Variants in NELL1 observed in about 807,000 individuals in gnomAD.
NELL1 encodes the protein neural EGFL like 1.
NELL1 carries 76 observed loss-of-function variants against 107.4 expected under a neutral mutation model. The observed-to-expected ratio is 0.71, with a 90% CI of 0.59 to 0.86. The LOEUF (loss-of-function observed/expected upper bound fraction) is 0.86, where lower values mean the gene tolerates loss of function less well. NELL1 is among the 40% of genes least tolerant of loss of function. NELL1 has a pLI of 0.00. For synonymous variants in NELL1, 353 were observed against 341.2 expected (o/e 1.03, Z -0.38); for missense variants, 1,024 against 1,005.5 (o/e 1.02, Z -0.25).
intron 3 of NELL1, among the ~76,000 whole-genome samples, chr11:20,814,957 A>G (rs1027418362): frequency 6.6e-6 from 1 of 152,052 alleles, no homozygotes; most frequent in Non-Finnish European, 1.5e-5. Flanking sequence ...TTTCTCTACA[A>G]CCTTGCCAGC....
intron 14 of NELL1, among the ~76,000 whole-genome samples, chr11:21,357,153 C>T (rs1228368653): frequency 6.6e-6 from 1 of 152,108 alleles, no homozygotes. Flanking sequence ...ACTTCTTTTC[C>T]TCCGGGTAGA....
intron 14 of NELL1, among the ~76,000 whole-genome samples, chr11:21,346,050 T>C (rs1311830980): frequency 6.6e-6 from 1 of 152,196 alleles, no homozygotes; most frequent in Non-Finnish European, 1.5e-5. Context: ...GTTGCAAACC[T>C]AAGTCAAACT....
chr11:21,420,616 G>T (rs1852641135), intron 15 of NELL1, among the ~76,000 whole-genome samples: 1 of 152,144 alleles, frequency 6.6e-6, no homozygotes, highest in Non-Finnish European at 1.5e-5. Context: ...AAGACGGCAT[G>T]AAAATTTCTC....
rs768545343 is a variant in NELL1 at position 21,496,669 on chromosome 11, A to G, written c.1646-37705A>G. On this transcript the variant is annotated intron_variant, in intron 15 of 19. Transcript: ENST00000357134. ...CGTGATCCACTTGCCTCACCCTCCCAAAGTGCTGGGTTACAGGCGTGAGCC... is the reference window on the plus strand; with the variant it reads ...CGTGATCCACTTGCCTCACCCTCCCGAAGTGCTGGGTTACAGGCGTGAGCC... Among the ~76,000 whole-genome samples the G allele has an allele frequency of 2.7e-4, 41 of 152,152 alleles. No homozygotes were observed. In the Middle Eastern group the frequency reaches 0.01, roughly 38 times the overall value.
chr11:20,761,952 G>T (rs1856430100), intron 2 of NELL1, among the ~76,000 whole-genome samples: 1 of 152,186 alleles, frequency 6.6e-6, no homozygotes, highest in Admixed American at 6.5e-5. Context: ...GGTAGCCTTT[G>T]CTAAGAAAAG....
Position 21,417,011 on chromosome 11 carries a change from G to A in NELL1, c.1645+46063G>A, listed in dbSNP as rs959342504. On this transcript the variant is annotated intron_variant, in intron 15 of 19. Coordinates refer to ENST00000357134, the MANE Select transcript of NELL1 (RefSeq NM_006157.5). The stretch of plus-strand genomic sequence containing the variant: ...GAGTACAAAATTAAATAATTTGCCC[G>A]AAGTCCACAACTGGTGTCAGTGGGG... Among the ~76,000 whole-genome samples the A allele has an allele frequency of 9.9e-5, 15 of 151,992 alleles. No homozygotes were observed. The East Asian group carries it at 2.1e-3, about 22-fold the overall frequency.
At chr11:20,841,856 C>T (rs573518758) in intron 3 of NELL1, among the ~76,000 whole-genome samples, 4 of 152,224 alleles carry the variant, frequency 2.6e-5, no homozygotes, top group East Asian at 1.9e-4. Flanking sequence ...GGGGCAGGGA[C>T]ATGATGTGCC....
chr11:21,386,915 G>C (rs978435541), intron 15 of NELL1, among the ~76,000 whole-genome samples: 1 of 151,778 alleles, frequency 6.6e-6, no homozygotes, highest in Non-Finnish European at 1.5e-5. Context: ...TTAATGTTTA[G>C]GCTAGACCTT....
chr11:20,678,144 C>G (rs1388519226), intron 2 of NELL1, 84 bp downstream of exon 2: 2 of 1,485,024 alleles, frequency 1.3e-6, no homozygotes, highest in East Asian at 2.3e-5. Flanking sequence ...GTGTGTTTGT[C>G]TGGAGATCGC....
chr11:20,677,855 A>T, intron 1 of NELL1, 77 bp from the exon 2 acceptor site: 1 of 1,556,260 alleles, frequency 6.4e-7, no homozygotes, highest in Non-Finnish European at 8.8e-7. Context: ...ATTCCCTGCC[A>T]CTCCCCGACT....
chr11:21,430,588 A>C (rs576895994), intron 15 of NELL1, among the ~76,000 whole-genome samples: 101 of 152,284 alleles, frequency 6.6e-4, no homozygotes, highest in Middle Eastern at 3.4e-3. Context: ...GTACCACCTC[A>C]GATACGCATT....
At chr11:21,512,124 GA>G (rs1855453407) in intron 15 of NELL1, among the ~76,000 whole-genome samples, 1 of 152,202 alleles carries the variant, frequency 6.6e-6, no homozygotes, top group African/African-American at 2.4e-5. Context: ...AGCTGTTCCA[GA>G]AATACCCTTG....
chr11:20,683,793 C>A (rs895664468), intron 2 of NELL1, among the ~76,000 whole-genome samples: 1 of 151,950 alleles, frequency 6.6e-6, no homozygotes, highest in Non-Finnish European at 1.5e-5. Flanking sequence ...TTAAAGATGT[C>A]TTTTCACTTA....
At chr11:20,705,362 A>G (rs966316264) in intron 2 of NELL1, among the ~76,000 whole-genome samples, 11 of 152,126 alleles carry the variant, frequency 7.2e-5, no homozygotes, top group South Asian at 2.1e-4. Flanking sequence ...ATAATGCCGC[A>G]TATCTACAAC....
chr11:21,482,594 A>T (rs1224285479), intron 15 of NELL1, among the ~76,000 whole-genome samples: 1 of 152,134 alleles, frequency 6.6e-6, no homozygotes, highest in East Asian at 1.9e-4. Context: ...TAAAAATTAC[A>T]GTAGTGGTGA....
At chr11:21,491,481 C>T (rs959780788) in intron 15 of NELL1, among the ~76,000 whole-genome samples, 8 of 152,064 alleles carry the variant, frequency 5.3e-5, no homozygotes, top group African/African-American at 1.9e-4. Context: ...TTGTTTTTCT[C>T]AGGTTTGTCA....
At chr11:21,568,671 AAC>A (rs1392075626) in intron 17 of NELL1, among the ~76,000 whole-genome samples, 2 of 151,624 alleles carry the variant, frequency 1.3e-5, no homozygotes, top group Non-Finnish European at 2.9e-5. Flanking sequence ...GGCACACAAA[AAC>A]ACACCTTAAC....
chr11:21,311,115 T>A (rs1168354433), intron 14 of NELL1, among the ~76,000 whole-genome samples: 1 of 152,158 alleles, frequency 6.6e-6, no homozygotes, highest in Non-Finnish European at 1.5e-5. Context: ...TTATTGATGC[T>A]GTCAGGAAAC....
chr11:20,961,403 A>G (rs1851288011), intron 12 of NELL1, among the ~76,000 whole-genome samples: 1 of 151,982 alleles, frequency 6.6e-6, no homozygotes, highest in Admixed American at 6.6e-5. Context: ...TGGCTGGGCT[A>G]TTTTTCTGTT....
Sources: allele counts gnomAD v4.1 joint callset (sites outside exome capture counted in the v4.1 genomes callset), GRCh38; gene constraint gnomAD v4.1.1; transcripts MANE v1.5; gene names NCBI Gene and HGNC (gene_info 2026-07-23, HGNC 2026-07-21).